Variants in NRXN2 observed in about 807,000 individuals in gnomAD.
NRXN2 encodes neurexin 2.
NRXN2 carries 29 observed loss-of-function variants against 128.8 expected under a neutral mutation model. That is an observed-to-expected ratio of 0.23 (90% CI 0.17 to 0.31). The LOEUF (loss-of-function observed/expected upper bound fraction) is 0.31, where lower values mean the gene tolerates loss of function less well. Among genes scored for constraint, NRXN2 ranks in the 10% least tolerant of loss-of-function variants. NRXN2 has a pLI of 1.00. For synonymous variants in NRXN2, 1,098 were observed against 1,075.2 expected, an observed-to-expected ratio of 1.02 and a Z score of -0.41; for missense variants, 1,881 against 2,452.6, an observed-to-expected ratio of 0.77 and a Z score of 4.92.
intron 22 of NRXN2, among the ~76,000 whole-genome samples, chr11:64,608,673 C>A (rs568791138): frequency 6.6e-6 from 1 of 152,124 alleles, no homozygotes; most frequent in East Asian, 1.9e-4. Flanking sequence ...TTCCGTACAA[C>A]GTTTTCTGTC....
At chr11:64,704,623 C>CACAGAGAGAGAGAGAGAG (rs1336665936) in intron 2 of NRXN2, among the ~76,000 whole-genome samples, 28 of 81,200 alleles carry the variant, frequency 3.4e-4, no homozygotes, top group Non-Finnish European at 5.0e-4. Flanking sequence ...CACACACACA[C>CACAGAGAGAGAGAGAGAG]AGAGAGAGAG....
rs2047097115 is a variant in NRXN2, at chr11:64,648,984, C to T, written c.3110-77G>A. ...AGACAATGGCATCTGGCTGTCAGGT[C>T]CTCCCAGCCTTCTCAGGTTCTCTGC... On this transcript the variant is annotated intron_variant, in intron 15 of 22. Coordinates refer to ENST00000265459, the MANE Select transcript of NRXN2 (RefSeq NM_015080.4). The surrounding 1 kb of genome is among the most constrained non-coding windows in gnomAD (Gnocchi z 4.1). The T allele has an allele frequency of 6.8e-7, 1 of 1,477,214 alleles. No individual in the cohort carries two copies. Among genetic ancestry groups the T allele is most frequent in the African/African-American group, 1.4e-5 (1 of 72,264 alleles). 91.5% of individuals were successfully genotyped at this position (1,477,214 alleles called of 1,614,324 possible). A position where few individuals can be genotyped will look rare whatever the true frequency, so the allele number is the denominator to read the frequency against.
At chr11:64,706,012 T>C (rs1301668946) in intron 2 of NRXN2, among the ~76,000 whole-genome samples, 2 of 127,762 alleles carry the variant, frequency 1.6e-5, no homozygotes, top group Non-Finnish European at 3.1e-5. Context: ...CTTCACTACA[T>C]AACTCTATAA....
chr11:64,694,545 G>A (rs2048039475), intron 3 of NRXN2, among the ~76,000 whole-genome samples: 1 of 152,166 alleles, frequency 6.6e-6, no homozygotes, highest in African/African-American at 2.4e-5. Context: ...CTCTGAGTCT[G>A]AGGCCACTTG....
intron 11 of NRXN2, among the ~76,000 whole-genome samples, chr11:64,657,267 A>G (rs1031952637): frequency 2.6e-5 from 4 of 152,212 alleles, no homozygotes; most frequent in African/African-American, 7.2e-5. Flanking sequence ...GTGGGCCAGG[A>G]GGCTGAAGGA....
intron 5 of NRXN2, chr11:64,688,812 CCTT>C: frequency 1.0e-6 from 1 of 985,358 alleles, no homozygotes; most frequent in Non-Finnish European, 1.2e-6. Context: ...AAAGCAGCTG[CCTT>C]CTTTCCAGGC....
At chr11:64,673,960 C>G (rs2050960197) in intron 7 of NRXN2, among the ~76,000 whole-genome samples, 1 of 151,630 alleles carries the variant, frequency 6.6e-6, no homozygotes, top group Non-Finnish European at 1.5e-5. Flanking sequence ...ATTGCTTTAA[C>G]CCTGGAGGCA....
In NRXN2 at chr11:64,667,750, C is replaced by A; in HGVS notation, c.1360-62G>T. 1.3e-6 allele frequency: 2 copies of A among 1,547,308 alleles called. No individual in the cohort carries two copies. The highest frequency in any genetic ancestry group is 3.4e-5 in the Admixed American group (2 of 59,114). On this transcript the variant is annotated intron_variant, in intron 8 of 22. Transcript: ENST00000265459. The surrounding 1 kb of genome is among the most constrained non-coding windows in gnomAD (Gnocchi z 5.6). The stretch of plus-strand genomic sequence containing the variant: ...AAAGCAGCTTAGGGCCTGGCCACTC[C>A]CACCCAGCAGCGAGCACCAGGGGAC...
Position 64,607,127 on chromosome 11 carries a change from A to G in NRXN2, c.*69T>C. 2.0e-6 allele frequency: 3 copies of G among 1,510,956 alleles called. No homozygotes were observed. Among genetic ancestry groups the G allele is most frequent in the Non-Finnish European group, 2.7e-6 (3 of 1,106,102 alleles). 93.6% of individuals were successfully genotyped at this position (1,510,956 alleles called of 1,614,324 possible). A position where few individuals can be genotyped will look rare whatever the true frequency, so the allele number is the denominator to read the frequency against. Reference sequence around the variant, plus strand: ...GAGGGTCCCCAGGCCCCTGGCAGGGAGAGGGTGGCACCCTCCTCCCGGGCC... The same window carrying G: ...GAGGGTCCCCAGGCCCCTGGCAGGGGGAGGGTGGCACCCTCCTCCCGGGCC... On this transcript the variant is annotated 3_prime_UTR_variant, in exon 23 of 23. Coordinates refer to ENST00000265459, the MANE Select transcript of NRXN2 (RefSeq NM_015080.4).
chr11:64,660,501 G>A lies in NRXN2; in HGVS notation c.2220C>T (p.Tyr740=), dbSNP rs943352392. ...TGGCGTTAGGCAGCATGATCTTCAT[G>A]TACATGGAGCCATCGTAGCTCAGGA... is the stretch of plus-strand genomic sequence containing the variant. ...ATVLSYDGSM[Y]MKIMLPNAMH... Residue 740 remains tyrosine, a synonymous_variant, in exon 11 of 23, where the codon TAC becomes TAT. Transcript: ENST00000265459. The surrounding 1 kb of genome is among the most constrained non-coding windows in gnomAD (Gnocchi z 5.2). The A allele has an allele frequency of 3.1e-6, 5 of 1,614,092 alleles. No homozygotes were observed. In the Admixed American group the frequency reaches 8.3e-5, roughly 27 times the overall value.
chr11:64,636,742 G>A (rs12278771), intron 17 of NRXN2, among the ~76,000 whole-genome samples: 3,369 of 152,208 alleles, frequency 0.022, 107 homozygotes, highest in African/African-American at 0.074. Context: ...AGCCTGCAGT[G>A]GGGGGCAGGA....
chr11:64,650,893 GGA>G (rs1402007615), intron 14 of NRXN2, among the ~76,000 whole-genome samples: 2 of 152,174 alleles, frequency 1.3e-5, no homozygotes, highest in African/African-American at 4.8e-5. Flanking sequence ...GAGCTAGAGG[GGA>G]GAGGTTTGTG....
chr11:64,618,314 C>T (rs962458680), intron 22 of NRXN2, among the ~76,000 whole-genome samples: 1 of 152,208 alleles, frequency 6.6e-6, no homozygotes, highest in Non-Finnish European at 1.5e-5. Flanking sequence ...TGGTGACCAT[C>T]TGGCCCCAGA....
At chr11:64,720,113 C>T (rs538844963) in intron 1 of NRXN2, among the ~76,000 whole-genome samples, 1 of 152,346 alleles carries the variant, frequency 6.6e-6, no homozygotes, top group East Asian at 1.9e-4. Flanking sequence ...CGTGAGGAAA[C>T]TGAGGCTCAC....
rs1481464418 is a variant in NRXN2 at position 64,607,661 on chromosome 11, G to T, written c.4674C>A (p.Pro1558=). 2.0e-6 allele frequency: 3 copies of T among 1,527,396 alleles called. No homozygotes were observed. Among genetic ancestry groups the T allele is most frequent in the Non-Finnish European group, 2.6e-6 (3 of 1,134,794 alleles). The allele number at this position is 1,527,396 out of a possible 1,614,324, so 94.6% of individuals were successfully genotyped here. A position where few individuals can be genotyped will look rare whatever the true frequency, so the allele number is the denominator to read the frequency against. The change falls in exon 23 of 23, where the codon CCC becomes CCA. Residue 1558 remains proline (P), a synonymous_variant. Transcript: ENST00000265459. The part of the protein sequence containing the change: ...GVLFAPSAPA[P]NLPAGKMNHR... ...GGTTCATTTTGCCCGCCGGCAGGTT[G>T]GGGGCCGGGGCGGAGGGGGCAAACA... is the stretch of plus-strand genomic sequence containing the variant.
Position 64,701,908 on chromosome 11 carries a change from G to C in NRXN2, c.731-4116C>G, listed in dbSNP as rs556363769. 4.2e-5 allele frequency among the ~76,000 whole-genome samples: 6 copies of C among 143,554 alleles called. No homozygotes were observed. The South Asian group carries it at 1.3e-3, about 32-fold the overall frequency. The allele number at this position is 143,554 out of a possible 152,430, so 94.2% of individuals were successfully genotyped here. ...GCTCTGTCCGGGAGGGAGGTGGGGG[G>C]GGTCAGCCCCCCGCCCGGCCAGCCG... On this transcript the variant is annotated intron_variant, in intron 2 of 22. Coordinates refer to ENST00000265459, the MANE Select transcript of NRXN2 (RefSeq NM_015080.4).
At chr11:64,707,527 G>A (rs74861909) in intron 2 of NRXN2, among the ~76,000 whole-genome samples, 2 of 152,338 alleles carry the variant, frequency 1.3e-5, no homozygotes, top group Non-Finnish European at 1.5e-5. Context: ...CTGCTTTACT[G>A]CATCTCTGGG....
In NRXN2 at chr11:64,690,943, G is replaced by A. The variant is rs546736674; in HGVS notation, c.779-467C>T. ...GGGTTAAGTTCACACTTCCCAACTC[G>A]TTCAAAAGCCTGACGCAGACACCCC... On this transcript the variant is annotated intron_variant, in intron 4 of 22. Transcript: ENST00000265459. 3.3e-5 allele frequency among the ~76,000 whole-genome samples: 5 copies of A among 152,172 alleles called. No homozygotes were observed. The East Asian group carries it at 5.8e-4, about 18-fold the overall frequency.
Position 64,652,022 on chromosome 11 carries a change from C to T in NRXN2, c.2536+13G>A, listed in dbSNP as rs768976965. On this transcript the variant is annotated intron_variant, in intron 13 of 22. Coordinates refer to ENST00000265459, the MANE Select transcript of NRXN2 (RefSeq NM_015080.4). ...TGGAGATGTGTCCACCTCCCTGGGC[C>T]CAGACCACCTACCCTCCACAGTCAC... The T allele has an allele frequency of 1.2e-6, 2 of 1,610,292 alleles. No homozygotes were observed. The highest frequency in any genetic ancestry group is 4.5e-5 in the East Asian group (2 of 44,862).
Sources: gnomAD v4.1 joint callset for allele counts (sites outside exome capture counted in the v4.1 genomes callset) on GRCh38, gnomAD v4.1.1 for gene constraint, Gnocchi (gnomAD v3.1) non-coding constraint, MANE v1.5 for transcripts, NCBI Gene and HGNC (gene_info 2026-07-23, HGNC 2026-07-21) for gene names.